Variants in STT3B observed in about 807,000 individuals in gnomAD.
The protein encoded by STT3B is STT3 oligosaccharyltransferase complex catalytic subunit B.
STT3B carries 29 observed loss-of-function variants against 96.8 expected under a neutral mutation model. The observed-to-expected ratio is 0.30, with a 90% confidence interval of 0.22 to 0.41. STT3B has a LOEUF of 0.41. Among genes scored for constraint, STT3B ranks in the 10% least tolerant of loss-of-function variants. The pLI is 1.00. For missense variants in STT3B, 640 were observed against 1,022.3 expected (o/e 0.63, Z 5.10); for synonymous variants, 367 against 360.0 (o/e 1.02, Z -0.22).
intron 12 of STT3B, among the ~76,000 whole-genome samples, chr3:31,625,411 TGTAAA>T (rs948439573): frequency 6.6e-6 from 1 of 152,242 alleles, no homozygotes; most frequent in African/African-American, 2.4e-5. Flanking sequence ...TTTGCAAATA[TGTAAA>T]GTAAATGCAC....
chr3:31,544,014 C>T (rs1296869493), intron 1 of STT3B, among the ~76,000 whole-genome samples: 1 of 152,094 alleles, frequency 6.6e-6, no homozygotes, highest in Non-Finnish European at 1.5e-5. Context: ...CACAAGATGC[C>T]ATTTTAATTG....
In STT3B at chr3:31,624,969, A is replaced by G; in HGVS notation, c.1783A>G (p.Thr595Ala). 6.2e-7 allele frequency: 1 copy of G among 1,613,848 alleles called. No individual in the cohort carries two copies. Among genetic ancestry groups the G allele is most frequent in the Non-Finnish European group, 8.5e-7 (1 of 1,179,848 alleles). ...AGCTTACTTTTGGCTAAGGCAAAAT[A>G]CAGATGAACATGCACGAGTAATGTC... ...REAYFWLRQN[T>A]DEHARVMSWW... Residue 595 changes from threonine to alanine, a missense_variant, in exon 12 of 16, where the codon ACA becomes GCA. Physicochemically the swap from Thr to Ala is moderately conservative, Grantham distance 58. Transcript: ENST00000295770.
intron 2 of STT3B, among the ~76,000 whole-genome samples, chr3:31,578,053 TCTTATA>T (rs1303246614): frequency 5.3e-5 from 8 of 152,158 alleles, no homozygotes; most frequent in African/African-American, 1.7e-4. Flanking sequence ...GTTTGAGGTT[TCTTATA>T]CTTAAGGTTA....
intron 1 of STT3B, among the ~76,000 whole-genome samples, chr3:31,560,706 A>G (rs776719461): frequency 9.9e-5 from 15 of 152,038 alleles, no homozygotes; most frequent in Non-Finnish European, 1.8e-4. Context: ...GACTTTTGAC[A>G]GTTTGACTGT....
intron 5 of STT3B, among the ~76,000 whole-genome samples, chr3:31,609,077 T>C (rs1010859333): frequency 1.3e-5 from 2 of 152,120 alleles, no homozygotes; most frequent in Non-Finnish European, 2.9e-5. Context: ...ATCATGCCAC[T>C]GCACTCCAGC....
chr3:31,563,972 A>G (rs904335526), intron 1 of STT3B, among the ~76,000 whole-genome samples: 1 of 152,052 alleles, frequency 6.6e-6, no homozygotes, highest in African/African-American at 2.4e-5. Context: ...TCTGTATACA[A>G]TACTAAATGG....
At chr3:31,558,549 A>G (rs918610852) in intron 1 of STT3B, among the ~76,000 whole-genome samples, 1 of 152,124 alleles carries the variant, frequency 6.6e-6, no homozygotes, top group African/African-American at 2.4e-5. Flanking sequence ...CCATTTCATC[A>G]TGGTGTATTA....
chr3:31,620,327 A>G (rs1345778511), intron 9 of STT3B: 1 of 153,074 alleles, frequency 6.5e-6, no homozygotes, highest in Non-Finnish European at 1.4e-5. Context: ...AAGTATTTTG[A>G]TTGTTTTAAT....
chr3:31,596,944 G>GCCA (rs1191241853), intron 4 of STT3B, 81 bp downstream of exon 4: 2 of 1,064,748 alleles, frequency 1.9e-6, no homozygotes, highest in Admixed American at 4.4e-5. Flanking sequence ...GAAGTCTGTA[G>GCCA]GATTTTTATT....
At chr3:31,550,935 C>T (rs1221353420) in intron 1 of STT3B, among the ~76,000 whole-genome samples, 1 of 152,052 alleles carries the variant, frequency 6.6e-6, no homozygotes, top group Non-Finnish European at 1.5e-5. Context: ...CTGCTTTGTA[C>T]TTTACCTTGG....
At chr3:31,623,007 A>G (rs1699461833) in intron 10 of STT3B, among the ~76,000 whole-genome samples, 1 of 152,202 alleles carries the variant, frequency 6.6e-6, no homozygotes, top group South Asian at 2.1e-4. Flanking sequence ...TATAAGATGA[A>G]TGTAATTCAT....
intron 1 of STT3B, among the ~76,000 whole-genome samples, chr3:31,570,352 C>G (rs1698108015): frequency 6.6e-6 from 1 of 152,136 alleles, no homozygotes; most frequent in African/African-American, 2.4e-5. Flanking sequence ...AGGTGAACTT[C>G]AGTAGAGGTT....
rs1319731871 is a variant in STT3B, at chr3:31,606,123, A to G, written c.877+5664A>G. Among the ~76,000 whole-genome samples, 6 of 152,232 alleles carry G rather than the reference A, an allele frequency of 3.9e-5. No homozygotes were observed. The East Asian group carries it at 7.7e-4, about 20-fold the overall frequency. ...AAATTTTTAAGCAGCAAAGCATTCA[A>G]AAGGTGACTTGGGTACTGTTAAAAA... On this transcript the variant is annotated intron_variant, in intron 5 of 15. Coordinates refer to ENST00000295770, the MANE Select transcript of STT3B (RefSeq NM_178862.3).
chr3:31,578,507 G>A (rs550852977), intron 2 of STT3B, among the ~76,000 whole-genome samples: 6 of 151,812 alleles, frequency 4.0e-5, no homozygotes, highest in South Asian at 2.1e-4. Context: ...TCAGTCTACC[G>A]TATTATATGG....
intron 5 of STT3B, among the ~76,000 whole-genome samples, chr3:31,605,313 A>G (rs781778846): frequency 2.5e-4 from 38 of 152,348 alleles, no homozygotes; most frequent in Non-Finnish European, 4.6e-4. Context: ...CAATTAAAAT[A>G]TAACCTGTAA....
intron 3 of STT3B, among the ~76,000 whole-genome samples, chr3:31,584,747 G>A (rs948494041): frequency 1.3e-5 from 2 of 152,048 alleles, no homozygotes. Flanking sequence ...AATAGATTCA[G>A]TATTTGAAAA....
intron 1 of STT3B, among the ~76,000 whole-genome samples, chr3:31,564,233 G>A (rs1441261359): frequency 6.6e-6 from 1 of 152,024 alleles, no homozygotes; most frequent in Non-Finnish European, 1.5e-5. Flanking sequence ...CACTTTGCTC[G>A]GGCGACAGTT....
chr3:31,578,323 C>T (rs1698303333), intron 2 of STT3B, among the ~76,000 whole-genome samples: 1 of 152,118 alleles, frequency 6.6e-6, no homozygotes, highest in Admixed American at 6.6e-5. Flanking sequence ...CTCCTGTGGG[C>T]TCCCATGACA....
chr3:31,562,501 C>T (rs1455285782), intron 1 of STT3B, among the ~76,000 whole-genome samples: 3 of 152,030 alleles, frequency 2.0e-5, no homozygotes, highest in Admixed American at 6.5e-5. Context: ...CTGGGTGGAC[C>T]GGCTGGCAGT....
Sources: allele counts gnomAD v4.1 joint callset (sites outside exome capture counted in the v4.1 genomes callset), GRCh38; gene constraint gnomAD v4.1.1; transcripts MANE v1.5; gene names NCBI Gene and HGNC (gene_info 2026-07-23, HGNC 2026-07-21).